C4orf17: variants seen among roughly 807,000 people sequenced by gnomAD.
C4orf17 encodes chromosome 4 open reading frame 17.
C4orf17 carries 25 observed loss-of-function variants against 32.0 expected under a neutral mutation model. The observed-to-expected ratio is 0.78, with a 90% CI of 0.57 to 1.09. C4orf17 has a LOEUF of 1.09. Among genes scored for constraint, C4orf17 ranks in the 50% least tolerant of loss-of-function variants. C4orf17 has a pLI of 0.00. For synonymous variants in C4orf17, 149 were observed against 145.8 expected (o/e 1.02, Z -0.16); for missense variants, 420 against 420.0 (o/e 1.00, Z 0.00).
At chr4:99,512,444 A>G (rs1461647334) in intron 1 of C4orf17, among the ~76,000 whole-genome samples, 4 of 152,186 alleles carry the variant, frequency 2.6e-5, no homozygotes, top group African/African-American at 9.6e-5. Flanking sequence ...TGCAAACAAC[A>G]ACATGGCAAA....
At position 99,542,080 on chromosome 4, in the gene C4orf17, G is replaced by A. The variant is rs74444838; in HGVS notation, c.1051G>A (p.Ala351Thr). Residue 351 changes from alanine (A) to threonine (T), a missense_variant, in exon 9 of 9, where the codon GCA becomes ACA. Physicochemically the swap from Ala to Thr is moderately conservative, Grantham distance 58. Transcript: ENST00000326581. ...IQEYNLCPQRACYPSTHRR is the reference protein window; with the variant it reads ...IQEYNLCPQRTCYPSTHRR Reference sequence around the variant, plus strand: ...AGAATACAACCTCTGTCCCCAAAGAGCATGTTATCCTTCAACACACCGGAG... The same window carrying A: ...AGAATACAACCTCTGTCCCCAAAGAACATGTTATCCTTCAACACACCGGAG... 7,916 of 1,613,938 alleles carry A rather than the reference G, an allele frequency of 4.9e-3. 22 individuals are homozygous for A. The highest frequency in any genetic ancestry group is 6.2e-3 in the Non-Finnish European group (7,362 of 1,179,896).
intron 1 of C4orf17, 142 bp downstream of exon 1, chr4:99,511,414 T>C (rs949660442): frequency 6.7e-6 from 1 of 149,848 alleles, no homozygotes; most frequent in Non-Finnish European, 1.5e-5. Context: ...CACATTGTTT[T>C]CTTGTTGACT....
At chr4:99,514,206 A>G (rs967596610) in intron 2 of C4orf17, among the ~76,000 whole-genome samples, 4 of 152,208 alleles carry the variant, frequency 2.6e-5, no homozygotes, top group African/African-American at 9.6e-5. Context: ...CAAATAATTC[A>G]TGACTAAGAC....
chr4:99,517,425 T>C (rs1022776453), intron 2 of C4orf17, among the ~76,000 whole-genome samples: 1 of 152,096 alleles, frequency 6.6e-6, no homozygotes, highest in African/African-American at 2.4e-5. Context: ...CTGGGTACTG[T>C]TGTTAAGGAA....
At chr4:99,533,953 G>T (rs969521480) in intron 5 of C4orf17, among the ~76,000 whole-genome samples, 7 of 152,080 alleles carry the variant, frequency 4.6e-5, no homozygotes, top group African/African-American at 1.7e-4. Flanking sequence ...TATTAATTAC[G>T]TTCAAGAACA....
intron 2 of C4orf17, 25 bp from the exon 3 acceptor site, chr4:99,522,475 C>T: frequency 6.3e-7 from 1 of 1,583,432 alleles, no homozygotes; most frequent in Non-Finnish European, 8.7e-7. Flanking sequence ...TGATCTGTCT[C>T]TTTTTTTAAT....
intron 2 of C4orf17, among the ~76,000 whole-genome samples, chr4:99,521,878 T>G (rs774723313): frequency 5.3e-5 from 8 of 152,224 alleles, no homozygotes; most frequent in South Asian, 2.1e-4. Context: ...ATCCTATATT[T>G]GAGCCAAAAG....
At chr4:99,511,855 CTAGA>C (rs1723098682) in intron 1 of C4orf17, among the ~76,000 whole-genome samples, 1 of 152,060 alleles carries the variant, frequency 6.6e-6, no homozygotes, top group African/African-American at 2.4e-5. Flanking sequence ...CTTTTTATTG[CTAGA>C]TAGATATTTT....
chr4:99,535,959 A>ACC, intron 5 of C4orf17: 1 of 409,956 alleles, frequency 2.4e-6, no homozygotes. Flanking sequence ...TTTTTCTTCT[A>ACC]ACAGGCCACT....
chr4:99,539,917 C>G (rs1723628163), intron 7 of C4orf17, among the ~76,000 whole-genome samples: 1 of 151,824 alleles, frequency 6.6e-6, no homozygotes, highest in African/African-American at 2.4e-5. Flanking sequence ...TTCTTAAATG[C>G]TGTTATTTCA....
chr4:99,538,190 C>A (rs567160352), intron 6 of C4orf17, among the ~76,000 whole-genome samples: 1 of 152,334 alleles, frequency 6.6e-6, no homozygotes, highest in African/African-American at 2.4e-5. Context: ...CCAGCAAAAC[C>A]ATCAACTCAG....
At chr4:99,526,589 A>G (rs1446452535) in intron 4 of C4orf17, among the ~76,000 whole-genome samples, 1 of 151,568 alleles carries the variant, frequency 6.6e-6, no homozygotes, top group South Asian at 2.1e-4. Flanking sequence ...TCAGTAAAAT[A>G]TTAGGCTTGA....
intron 2 of C4orf17, among the ~76,000 whole-genome samples, chr4:99,517,559 CTCTT>C (rs1260780280): frequency 8.1e-6 from 1 of 124,074 alleles, no homozygotes; most frequent in Non-Finnish European, 1.7e-5. Context: ...TTCCCTCTTT[CTCTT>C]TCTTTCTTCA....
intron 4 of C4orf17, among the ~76,000 whole-genome samples, chr4:99,528,637 G>A (rs1364009574): frequency 6.6e-6 from 1 of 152,168 alleles, no homozygotes; most frequent in Non-Finnish European, 1.5e-5. Context: ...CATGGCTAGG[G>A]AGGAGTCAAG....
At chr4:99,512,640 C>A (rs1723112693) in intron 1 of C4orf17, among the ~76,000 whole-genome samples, 1 of 134,314 alleles carries the variant, frequency 7.4e-6, no homozygotes, top group East Asian at 1.9e-4. Context: ...ATTTAAAAGT[C>A]ATCATTTAAA....
intron 2 of C4orf17, among the ~76,000 whole-genome samples, chr4:99,516,745 A>G (rs1723187567): frequency 6.6e-6 from 1 of 152,168 alleles, no homozygotes; most frequent in East Asian, 1.9e-4. Flanking sequence ...GGAGAAGTGG[A>G]TAAGAGGCCA....
chr4:99,521,173 A>C (rs574830499), intron 2 of C4orf17, among the ~76,000 whole-genome samples: 1 of 152,268 alleles, frequency 6.6e-6, no homozygotes, highest in Non-Finnish European at 1.5e-5. Flanking sequence ...GGAGTTCGAG[A>C]CCAGCCTGTC....
rs140638276 is a variant in C4orf17, at chr4:99,517,265, A to G, written c.127+4057A>G. 2.2e-3 allele frequency among the ~76,000 whole-genome samples: 338 copies of G among 152,278 alleles called. 4 individuals carry two copies. The highest frequency in any genetic ancestry group is 7.7e-3 in the African/African-American group (320 of 41,564). ...CTTGAATGAATCCTCATGGACAGGG[A>G]AGTGGCATGCACAGATTAGTAGGCC... On this transcript the variant is annotated intron_variant, in intron 2 of 8. Transcript: ENST00000326581.
At chr4:99,518,552 G>T (rs552936622) in intron 2 of C4orf17, among the ~76,000 whole-genome samples, 1,947 of 86,496 alleles carry the variant, frequency 0.023, 11 homozygotes, top group African/African-American at 0.032. Flanking sequence ...TATAGAGAGA[G>T]AGAGAGAGAG....
Sources: gnomAD v4.1 joint callset for allele counts (sites outside exome capture counted in the v4.1 genomes callset) on GRCh38, gnomAD v4.1.1 for gene constraint, MANE v1.5 for transcripts, NCBI Gene and HGNC (gene_info 2026-07-23, HGNC 2026-07-21) for gene names.